SNX24: variants seen among roughly 807,000 people sequenced by gnomAD.
The protein encoded by SNX24 is sorting nexin 24, also known as sorting nexin-24.
SNX24 carries 22 observed loss-of-function variants against 28.7 expected under a neutral mutation model. The ratio of observed to expected loss-of-function variants is 0.77; its 90% confidence interval spans 0.55 to 1.10. The LOEUF (loss-of-function observed/expected upper bound fraction) is 1.10, where lower values mean the gene tolerates loss of function less well. Among genes scored for constraint, SNX24 ranks in the 50% least tolerant of loss-of-function variants. The pLI is 0.00. For synonymous variants in SNX24, 69 were observed against 71.5 expected (o/e 0.96, Z 0.18); for missense variants, 221 against 201.1 (o/e 1.10, Z -0.60).
chr5:122,938,763 A>AC (rs562472732), intron 2 of SNX24, among the ~76,000 whole-genome samples: 1,039 of 23,556 alleles, frequency 0.044, 309 homozygotes, highest in African/African-American at 0.31. Flanking sequence ...ACACGGTGAA[A>AC]CCCCGTCTCT....
chr5:122,845,623 C>A lies in SNX24; in HGVS notation c.-11C>A, dbSNP rs779580952. On this transcript the variant is annotated 5_prime_UTR_variant, in exon 1 of 7. Transcript: ENST00000261369. ...CCCCAACTCGCCCTCAGCCGGCTGGCCGGCGCGGCCATGGAGGTCTACATC... is the reference window on the plus strand; with the variant it reads ...CCCCAACTCGCCCTCAGCCGGCTGGACGGCGCGGCCATGGAGGTCTACATC... 7.2e-7 allele frequency: 1 copy of A among 1,391,306 alleles called. No individual in the cohort carries two copies. The highest frequency in any genetic ancestry group is 2.8e-5 in the East Asian group (1 of 35,858). 86.2% of individuals were successfully genotyped at this position (1,391,306 alleles called of 1,614,324 possible). A position where few individuals can be genotyped will look rare whatever the true frequency, so the allele number is the denominator to read the frequency against.
At chr5:122,947,738 T>C (rs1759751886) in intron 3 of SNX24, among the ~76,000 whole-genome samples, 1 of 152,192 alleles carries the variant, frequency 6.6e-6, no homozygotes, top group African/African-American at 2.4e-5. Context: ...AGAGTAAAAA[T>C]GCATGTTCTC....
intron 3 of SNX24, among the ~76,000 whole-genome samples, chr5:122,949,543 C>T (rs958701503): frequency 1.3e-5 from 2 of 152,094 alleles, no homozygotes; most frequent in South Asian, 4.1e-4. Context: ...TGAATTGCCA[C>T]AGTGTAAATA....
At chr5:122,874,203 C>A (rs570763239) in intron 1 of SNX24, among the ~76,000 whole-genome samples, 4 of 152,148 alleles carry the variant, frequency 2.6e-5, no homozygotes, top group African/African-American at 9.7e-5. Flanking sequence ...AAATTATTAG[C>A]CTCAGTTTCC....
chr5:122,940,012 C>CAAA (rs1480580786), intron 2 of SNX24, among the ~76,000 whole-genome samples: 1 of 148,766 alleles, frequency 6.7e-6, no homozygotes, highest in Non-Finnish European at 1.5e-5. Context: ...TTTTTTGAGA[C>CAAA]AGAGTCTCGC....
intron 3 of SNX24, among the ~76,000 whole-genome samples, chr5:122,970,539 G>C (rs957774112): frequency 6.6e-6 from 1 of 152,086 alleles, no homozygotes; most frequent in African/African-American, 2.4e-5. Flanking sequence ...CATGATCTTG[G>C]CTCACTGCAA....
intron 3 of SNX24, among the ~76,000 whole-genome samples, chr5:122,976,762 C>T (rs1190683144): frequency 6.6e-6 from 1 of 152,180 alleles, no homozygotes; most frequent in Admixed American, 6.5e-5. Flanking sequence ...GTTTGCTGCC[C>T]AAATAAATGC....
intron 1 of SNX24, among the ~76,000 whole-genome samples, chr5:122,848,965 G>A (rs1210013642): frequency 6.6e-6 from 1 of 152,094 alleles, no homozygotes; most frequent in East Asian, 1.9e-4. Context: ...TTTCAATATT[G>A]ATATGGAGAG....
At chr5:122,951,329 C>A (rs1759935184) in intron 3 of SNX24, among the ~76,000 whole-genome samples, 1 of 148,580 alleles carries the variant, frequency 6.7e-6, no homozygotes, top group Non-Finnish European at 1.5e-5. Context: ...TGACTTTTGA[C>A]TTAAAGACCA....
At chr5:122,956,443 T>C (rs950164989) in intron 3 of SNX24, among the ~76,000 whole-genome samples, 1 of 151,982 alleles carries the variant, frequency 6.6e-6, no homozygotes, top group African/African-American at 2.4e-5. Flanking sequence ...TGTACATCAG[T>C]GGGCACCTGA....
intron 2 of SNX24, among the ~76,000 whole-genome samples, chr5:122,939,386 A>G (rs751193901): frequency 2.0e-5 from 3 of 152,088 alleles, no homozygotes; most frequent in Non-Finnish European, 2.9e-5. Flanking sequence ...AGAATTATCT[A>G]TTTATGTGCT....
intron 6 of SNX24, 148 bp from the exon 7 acceptor site, chr5:123,007,534 C>T: frequency 1.3e-6 from 1 of 742,696 alleles, no homozygotes; most frequent in Non-Finnish European, 2.1e-6. Context: ...GATAGCACAT[C>T]CTCAACCAGG....
chr5:122,850,834 G>A (rs1385327995), intron 1 of SNX24, among the ~76,000 whole-genome samples: 2 of 151,508 alleles, frequency 1.3e-5, no homozygotes, highest in South Asian at 2.1e-4. Flanking sequence ...TGAGGAAAGA[G>A]GGAGGGCCAA....
chr5:122,895,523 A>T (rs1056786127), intron 1 of SNX24, among the ~76,000 whole-genome samples: 1 of 152,154 alleles, frequency 6.6e-6, no homozygotes, highest in African/African-American at 2.4e-5. Flanking sequence ...GCAGAGGCAC[A>T]TCGGCACTGT....
chr5:122,972,248 C>T (rs1255015054), intron 3 of SNX24, among the ~76,000 whole-genome samples: 1 of 152,146 alleles, frequency 6.6e-6, no homozygotes, highest in African/African-American at 2.4e-5. Context: ...GGAACTGACA[C>T]CTTTAGGTTA....
chr5:122,951,283 G>A (rs246272), intron 3 of SNX24, among the ~76,000 whole-genome samples: 97,963 of 133,074 alleles, frequency 0.74, 36,215 homozygotes, highest in East Asian at 0.98. Flanking sequence ...AAAAAAAAAA[G>A]AAAAAGAAAA....
intron 5 of SNX24, among the ~76,000 whole-genome samples, chr5:123,024,840 C>G (rs866696513): frequency 3.3e-5 from 5 of 152,152 alleles, no homozygotes; most frequent in Non-Finnish European, 5.9e-5. Flanking sequence ...GAAAGGGAGA[C>G]AAGGATGGTC....
At chr5:122,977,699 A>G (rs13175293) in intron 3 of SNX24, among the ~76,000 whole-genome samples, 4,195 of 152,280 alleles carry the variant, frequency 0.028, 75 homozygotes, top group Non-Finnish European at 0.037. Flanking sequence ...TTTCATCACA[A>G]TTATTTGACT....
rs369999931 is a variant in SNX24, at chr5:122,970,133, C to G, written c.249+23974C>G. Among the ~76,000 whole-genome samples, 17 of 150,206 alleles carry G rather than the reference C, an allele frequency of 1.1e-4. 2 individuals carry two copies. Among genetic ancestry groups the G allele is most frequent in the East Asian group, 3.9e-4 (2 of 5,118 alleles). On this transcript the variant is annotated intron_variant, in intron 3 of 6. Transcript: ENST00000261369. Reference sequence around the variant, plus strand: ...CCTCTAAGATCATCATGGCAGTTTTCTCATTTGCTCTGGGTCCTCTGGCTT... The same window carrying G: ...CCTCTAAGATCATCATGGCAGTTTTGTCATTTGCTCTGGGTCCTCTGGCTT...
Sources: gnomAD v4.1 joint callset for allele counts (sites outside exome capture counted in the v4.1 genomes callset) on GRCh38, gnomAD v4.1.1 for gene constraint, MANE v1.5 for transcripts, NCBI Gene and HGNC (gene_info 2026-07-23, HGNC 2026-07-21) for gene names.